Variants in PIWIL3 observed in about 807,000 individuals in gnomAD.
PIWIL3 encodes the protein piwi-like protein 3.
In PIWIL3, 101 loss-of-function variants were observed where a neutral mutation model predicts 109.7. That is an observed-to-expected ratio of 0.92 (90% CI 0.78 to 1.09). The LOEUF (loss-of-function observed/expected upper bound fraction) is 1.09. PIWIL3 is among the 50% of genes least tolerant of loss of function. The probability of loss-of-function intolerance (pLI) is 0.00; values close to 1 mark genes in which losing one functional copy is unlikely to be tolerated. For synonymous variants in PIWIL3, 373 were observed against 376.4 expected (o/e 0.99, Z 0.10); for missense variants, 1,031 against 1,072.6 (o/e 0.96, Z 0.54).
At chr22:24,750,186 A>G (rs147821949) in intron 9 of PIWIL3, among the ~76,000 whole-genome samples, 12 of 152,278 alleles carry the variant, frequency 7.9e-5, no homozygotes, top group African/African-American at 2.9e-4. Flanking sequence ...GACAGTTTAA[A>G]GAGGGGCTGT....
Position 24,755,871 on chromosome 22 carries a change from T to G in PIWIL3, c.605A>C (p.Asn202Thr), listed in dbSNP as rs2147706302. 1 of 1,614,026 alleles carries G rather than the reference T, an allele frequency of 6.2e-7. No homozygotes were observed. Among genetic ancestry groups the G allele is most frequent in the Non-Finnish European group, 8.5e-7 (1 of 1,179,930 alleles). ...VEWLSTTKDK[N>T]IVKITVEFSK... ...AAACTCAACTGTAATCTTCACGATG[T>G]TTTTGTCTTTGGTTGTGCTCAACCA... The change falls in exon 6 of 21, where the codon AAC becomes ACC. Residue 202 changes from asparagine (N) to threonine (T), a missense_variant. Transcript: ENST00000616349.
intron 8 of PIWIL3, among the ~76,000 whole-genome samples, chr22:24,753,223 C>T (rs1170173571): frequency 1.3e-5 from 2 of 151,830 alleles, no homozygotes; most frequent in Non-Finnish European, 2.9e-5. Context: ...GTTTCCCTAG[C>T]TCAAAGTCAA....
At chr22:24,741,532 A>C (rs1924010817) in intron 12 of PIWIL3, among the ~76,000 whole-genome samples, 1 of 152,188 alleles carries the variant, frequency 6.6e-6, no homozygotes, top group Non-Finnish European at 1.5e-5. Flanking sequence ...AAACAAAAAA[A>C]CCAACCACCC....
At chr22:24,723,882 T>C (rs1922827349) in intron 18 of PIWIL3, among the ~76,000 whole-genome samples, 1 of 152,146 alleles carries the variant, frequency 6.6e-6, no homozygotes, top group South Asian at 2.1e-4. Context: ...TTCGCTATGT[T>C]GGCCAGGCTG....
Position 24,762,001 on chromosome 22 carries a change from A to G in PIWIL3, c.102+397T>C. ...TAAAGTGGATATGCAGTAAGAGAAG[A>G]CAAAACAGGGCAGGCATAACAAGTT... On this transcript the variant is annotated intron_variant, in intron 2 of 20. Coordinates refer to ENST00000616349, the MANE Select transcript of PIWIL3 (RefSeq NM_001255975.1). 3 of 997,086 alleles carry G rather than the reference A, an allele frequency of 3.0e-6. No individual in the cohort carries two copies. The South Asian group carries it at 1.4e-4, about 46-fold the overall frequency. The allele number at this position is 997,086 out of a possible 1,614,324, so 61.8% of individuals were successfully genotyped here.
intron 18 of PIWIL3, 93 bp downstream of exon 18, chr22:24,724,794 A>G (rs1922893897): frequency 7.3e-7 from 1 of 1,378,234 alleles, no homozygotes; most frequent in East Asian, 2.5e-5. Context: ...CTGGTCTTGA[A>G]CTCCTGGGCT....
chr22:24,721,653 C>G (rs1251867037), intron 19 of PIWIL3, among the ~76,000 whole-genome samples: 3 of 152,154 alleles, frequency 2.0e-5, no homozygotes, highest in Non-Finnish European at 4.4e-5. Context: ...TCTCTTTAAC[C>G]CTTCCACTGA....
At chr22:24,722,182 A>T (rs1303295076) in intron 19 of PIWIL3, among the ~76,000 whole-genome samples, 1 of 152,146 alleles carries the variant, frequency 6.6e-6, no homozygotes, top group Non-Finnish European at 1.5e-5. Flanking sequence ...TCCCTGGTTC[A>T]CACCGTTCCC....
chr22:24,754,735 A>G (rs767610824), intron 7 of PIWIL3, 49 bp downstream of exon 7: 1 of 1,433,014 alleles, frequency 7.0e-7, no homozygotes, highest in African/African-American at 1.4e-5. Flanking sequence ...TTCTCAAAAA[A>G]TCCTACGTTT....
At position 24,720,279 on chromosome 22, in the gene PIWIL3, T is replaced by G. The variant is rs1223796267; in HGVS notation, c.2358-384A>C. 5.7e-3 allele frequency among the ~76,000 whole-genome samples: 823 copies of G among 144,540 alleles called. 18 individuals are homozygous for G. The highest frequency in any genetic ancestry group is 0.02 in the African/African-American group (749 of 38,354). 94.8% of individuals were successfully genotyped at this position (144,540 alleles called of 152,430 possible). A position where few individuals can be genotyped will look rare whatever the true frequency, so the allele number is the denominator to read the frequency against. On this transcript the variant is annotated intron_variant, in intron 19 of 20. Coordinates refer to ENST00000616349, the MANE Select transcript of PIWIL3 (RefSeq NM_001255975.1). ...AAACTGTTTTTTTTTTTTTTTTTTT[T>G]TTTTTTTTTTTAGACGGAGTCTGGC...
At position 24,728,318 on chromosome 22, in the gene PIWIL3, GTATCTTTTTATGCTGTCA is replaced by G. The variant is rs764867029; in HGVS notation, c.1746_1763del (p.Asp583_Tyr588del). The stretch of plus-strand genomic sequence containing the variant: ...TTGGAATTGGGCATTTGGTACATAG[GTATCTTTTTATGCTGTCA>G]TATCTACGTTTGTCATCATTGGGCA... On this transcript the variant is annotated inframe_deletion, in exon 15 of 21. Coordinates refer to ENST00000616349, the MANE Select transcript of PIWIL3 (RefSeq NM_001255975.1). The G allele has an allele frequency of 1.2e-6, 2 of 1,614,138 alleles. No individual in the cohort carries two copies.
chr22:24,763,361 G>A (rs957801095), intron 1 of PIWIL3, among the ~76,000 whole-genome samples: 10 of 147,890 alleles, frequency 6.8e-5, no homozygotes, highest in Admixed American at 2.7e-4. Flanking sequence ...AGTGCAGCGG[G>A]GAAATCTCGG....
rs763457152 is a variant in PIWIL3, at chr22:24,755,795, A to C, written c.681T>G (p.Ile227Met). The change falls in exon 6 of 21, where the codon ATT (isoleucine) becomes ATG (methionine). Residue 227 changes from isoleucine to methionine, a missense_variant. By Grantham distance (10) the Ile-to-Met change is conservative (BLOSUM62 1). Coordinates refer to ENST00000616349, the MANE Select transcript of PIWIL3 (RefSeq NM_001255975.1). ...CCCCGGTAACATACCTTCTAAAGAG[A>C]ATGTTGTAATAGCGTAGGCAATCTG... is the stretch of plus-strand genomic sequence containing the variant. ...TSPDCLRYYN[I>M]LFRRTFKLLD... 6.8e-6 allele frequency: 11 copies of C among 1,613,986 alleles called. No individual in the cohort carries two copies. In the East Asian group the frequency reaches 2.0e-4, roughly 29 times the overall value.
At chr22:24,736,422 G>A (rs1399036080) in intron 12 of PIWIL3, among the ~76,000 whole-genome samples, 1 of 152,186 alleles carries the variant, frequency 6.6e-6, no homozygotes, top group Non-Finnish European at 1.5e-5. Context: ...GACTCAGACT[G>A]CCTCCTCATA....
rs1241174453 is a variant in PIWIL3 at position 24,750,482 on chromosome 22, A to ATTTTTTTTTTTT, written c.1090-664_1090-663insAAAAAAAAAAAA. ...CTTATCTGAAGTCTTACCACATTTG[A>ATTTTTTTTTTTT]TTTTTTTTCTTTTTTTTTTTTTTGA... On this transcript the variant is annotated intron_variant, in intron 9 of 20. Transcript: ENST00000616349. 1.2e-4 allele frequency among the ~76,000 whole-genome samples: 14 copies of ATTTTTTTTTTTT among 114,290 alleles called. 3 individuals carry two copies. The highest frequency in any genetic ancestry group is 3.0e-4 in the East Asian group (1 of 3,340). The allele number at this position is 114,290 out of a possible 152,430, so 75.0% of individuals were successfully genotyped here.
intron 1 of PIWIL3, among the ~76,000 whole-genome samples, chr22:24,762,739 A>G (rs1010342105): frequency 1.3e-5 from 2 of 152,186 alleles, no homozygotes; most frequent in African/African-American, 4.8e-5. Context: ...AAAGTGGGGG[A>G]GAGATGTGGA....
At chr22:24,739,215 T>C (rs948300073) in intron 12 of PIWIL3, among the ~76,000 whole-genome samples, 3 of 151,536 alleles carry the variant, frequency 2.0e-5, no homozygotes, top group African/African-American at 7.3e-5. Context: ...ATCTAGAAAA[T>C]AGCCTCAAAA....
intron 6 of PIWIL3, 149 bp downstream of exon 6, chr22:24,755,635 G>T: frequency 2.9e-6 from 3 of 1,021,946 alleles, no homozygotes; most frequent in Non-Finnish European, 2.8e-6. Context: ...TGAGCCTCAA[G>T]TATCATTTCA....
At position 24,724,300 on chromosome 22, in the gene PIWIL3, AT is replaced by A. The variant is rs776900975; in HGVS notation, c.2231+586del. 3.3e-5 allele frequency among the ~76,000 whole-genome samples: 5 copies of A among 151,316 alleles called. 1 individual carries two copies. In the South Asian group the frequency reaches 1.0e-3, roughly 32 times the overall value. ...GTAGAGCTAAAATCTGCACAGTACG[AT>A]TTTTTTTGAGACAAGGTCTCACTGT... is the stretch of plus-strand genomic sequence containing the variant. On this transcript the variant is annotated intron_variant, in intron 18 of 20. Coordinates refer to ENST00000616349, the MANE Select transcript of PIWIL3 (RefSeq NM_001255975.1).
Sources: allele counts gnomAD v4.1 joint callset (sites outside exome capture counted in the v4.1 genomes callset), GRCh38; gene constraint gnomAD v4.1.1; transcripts MANE v1.5; gene names NCBI Gene and HGNC (gene_info 2026-07-23, HGNC 2026-07-21).